ZFHX3: variants seen among roughly 807,000 people sequenced by gnomAD.
ZFHX3 encodes zinc finger homeobox 3.
ZFHX3 carries 42 observed loss-of-function variants against 279.1 expected under a neutral mutation model. The observed-to-expected ratio is 0.15, with a 90% CI of 0.12 to 0.19. The LOEUF is 0.19. Ranked by LOEUF, ZFHX3 falls within the 10% of genes least tolerant of loss-of-function variation. The pLI, the probability that ZFHX3 is intolerant of heterozygous loss-of-function variation, is 1.00. For missense variants in ZFHX3, 4,981 were observed against 4,754.0 expected, an observed-to-expected ratio of 1.05 and a Z score of -1.40; for synonymous variants, 2,293 against 1,957.8, an observed-to-expected ratio of 1.17 and a Z score of -4.52.
intron 4 of ZFHX3, among the ~76,000 whole-genome samples, chr16:72,865,388 G>T (rs1365968041): frequency 2.0e-5 from 3 of 152,220 alleles, no homozygotes; most frequent in Admixed American, 2.0e-4. Context: ...GTTGGGCTCT[G>T]AGTGCCATGG....
intron 1 of ZFHX3, among the ~76,000 whole-genome samples, chr16:73,694,791 G>A (rs774440432): frequency 1.2e-4 from 19 of 152,176 alleles, no homozygotes; most frequent in Non-Finnish European, 2.2e-4. Flanking sequence ...GCTCTTCACC[G>A]CATCTCTCTC....
chr16:73,377,247 C>T (rs2016738553), intron 3 of ZFHX3, among the ~76,000 whole-genome samples: 1 of 152,144 alleles, frequency 6.6e-6, no homozygotes, highest in Admixed American at 6.5e-5. Context: ...GCTGGGATTA[C>T]AGGCGTGAGA....
intron 7 of ZFHX3, chr16:73,099,081 C>G (rs140167606): frequency 6.6e-6 from 1 of 152,102 alleles, no homozygotes; most frequent in African/African-American, 2.4e-5. Context: ...AGTGTAAGAG[C>G]TGAAATGTGA....
chr16:72,863,374 C>G (rs2037932733), intron 4 of ZFHX3, among the ~76,000 whole-genome samples: 1 of 139,242 alleles, frequency 7.2e-6, no homozygotes, highest in Non-Finnish European at 1.5e-5. Flanking sequence ...AAAATTTAGC[C>G]AGGCATGATG....
chr16:73,509,291 C>G (rs1047293522), intron 2 of ZFHX3, among the ~76,000 whole-genome samples: 2 of 152,188 alleles, frequency 1.3e-5, no homozygotes, highest in Admixed American at 1.3e-4. Context: ...CACCACCTCA[C>G]TACCATGTAC....
At chr16:73,093,367 G>A (rs1567661315) in exon 8 of ZFHX3, 5 of 416,942 alleles carry the variant, frequency 1.2e-5, no homozygotes, top group African/African-American at 2.1e-5. Context: ...AAAGCCACAG[G>A]GGACGACCCT....
chr16:73,603,451 A>G (rs911888315), intron 2 of ZFHX3, among the ~76,000 whole-genome samples: 1 of 152,166 alleles, frequency 6.6e-6, no homozygotes, highest in African/African-American at 2.4e-5. Context: ...TCTTTAAACA[A>G]TAAGATGGGC....
intron 1 of ZFHX3, among the ~76,000 whole-genome samples, chr16:73,029,363 G>A (rs1964616536): frequency 6.6e-6 from 1 of 152,162 alleles, no homozygotes; most frequent in Non-Finnish European, 1.5e-5. Flanking sequence ...AACGCTCCTT[G>A]GTCACAGGGT....
At chr16:73,594,672 A>G (rs1475132334) in intron 2 of ZFHX3, among the ~76,000 whole-genome samples, 1 of 152,224 alleles carries the variant, frequency 6.6e-6, no homozygotes, top group African/African-American at 2.4e-5. Context: ...GAATCAGGGC[A>G]GAAAGGAGTA....
intron 2 of ZFHX3, among the ~76,000 whole-genome samples, chr16:73,675,094 C>A (rs1176700151): frequency 6.6e-6 from 1 of 152,184 alleles, no homozygotes; most frequent in African/African-American, 2.4e-5. Context: ...CCAGCCCCAA[C>A]ACCTCCTCCT....
At chr16:72,836,192 C>T (rs2037188193) in intron 4 of ZFHX3, among the ~76,000 whole-genome samples, 1 of 152,158 alleles carries the variant, frequency 6.6e-6, no homozygotes, top group South Asian at 2.1e-4. Flanking sequence ...TGGAGGTGGG[C>T]CACTCCCTAT....
chr16:73,838,764 G>GTGTGTGTGCGTGTGTGTGTC (rs1961213969), intron 1 of ZFHX3, among the ~76,000 whole-genome samples: 1 of 54,608 alleles, frequency 1.8e-5, no homozygotes, highest in Admixed American at 1.3e-4. Flanking sequence ...GTGTGTGTCT[G>GTGTGTGTGCGTGTGTGTGTC]TGTGTGTGTG....
intron 1 of ZFHX3, among the ~76,000 whole-genome samples, chr16:73,861,459 A>G (rs1473200865): frequency 6.6e-6 from 1 of 152,158 alleles, no homozygotes; most frequent in African/African-American, 2.4e-5. Context: ...TGTACAAATA[A>G]TCTTTACACA....
chr16:72,873,987 C>G (rs1036304685), intron 4 of ZFHX3, among the ~76,000 whole-genome samples: 1 of 152,174 alleles, frequency 6.6e-6, no homozygotes, highest in African/African-American at 2.4e-5. Flanking sequence ...ACAGAACACT[C>G]ACTTTATTCA....
chr16:73,310,269 T>C (rs568681643), intron 4 of ZFHX3, among the ~76,000 whole-genome samples: 2 of 152,112 alleles, frequency 1.3e-5, no homozygotes, highest in Non-Finnish European at 2.9e-5. Context: ...GTGGTGGTGG[T>C]GGTGAAATGG....
At chr16:73,730,759 G>C (rs1567564253) in intron 1 of ZFHX3, among the ~76,000 whole-genome samples, 1 of 152,198 alleles carries the variant, frequency 6.6e-6, no homozygotes, top group Admixed American at 6.5e-5. Flanking sequence ...AAGAGAGCAA[G>C]TGCCAGTATG....
chr16:73,362,573 C>G (rs2016451249), intron 3 of ZFHX3, among the ~76,000 whole-genome samples: 1 of 152,204 alleles, frequency 6.6e-6, no homozygotes, highest in South Asian at 2.1e-4. Flanking sequence ...AAATGAGTCA[C>G]AAAGAAACAT....
intron 2 of ZFHX3, among the ~76,000 whole-genome samples, chr16:73,537,399 C>T (rs931859277): frequency 4.1e-5 from 6 of 145,704 alleles, no homozygotes; most frequent in Non-Finnish European, 7.4e-5. Context: ...TCATTGCACC[C>T]TCTGCCTCCT....
At chr16:72,833,309 G>C (rs1435263738) in intron 4 of ZFHX3, among the ~76,000 whole-genome samples, 1 of 152,218 alleles carries the variant, frequency 6.6e-6, no homozygotes, top group African/African-American at 2.4e-5. Context: ...GGAGAATGGA[G>C]GGGAGGTTTT....
Sources: allele counts gnomAD v4.1 joint callset (sites outside exome capture counted in the v4.1 genomes callset), GRCh38; gene constraint gnomAD v4.1.1; transcripts MANE v1.5; gene names NCBI Gene and HGNC (gene_info 2026-07-23, HGNC 2026-07-21).